The following ANKRD17 variants were observed in gnomAD, a reference collection of about 807,000 sequenced individuals.
ANKRD17 encodes the protein ankyrin repeat domain-containing protein 17.
ANKRD17 carries 19 observed loss-of-function variants against 229.7 expected under a neutral mutation model. That is an observed-to-expected ratio of 0.08 (90% CI 0.06 to 0.12). The LOEUF (loss-of-function observed/expected upper bound fraction) is 0.12, where lower values mean the gene tolerates loss of function less well. Ranked by LOEUF, ANKRD17 falls within the 10% of genes least tolerant of loss-of-function variation. ANKRD17 has a pLI of 1.00. For synonymous variants in ANKRD17, 1,112 were observed against 1,146.1 expected (o/e 0.97, Z 0.60); for missense variants, 2,176 against 3,176.8 (o/e 0.68, Z 7.57).
chr4:73,118,007 T>G lies in ANKRD17; in HGVS notation c.4188+681A>C, dbSNP rs192207190. Among the ~76,000 whole-genome samples, 219 of 152,218 alleles carry G rather than the reference T, an allele frequency of 1.4e-3. 1 individual carries two copies. In the South Asian group the frequency reaches 0.019, roughly 13 times the overall value. On this transcript the variant is annotated intron_variant, in intron 22 of 33. Coordinates refer to ENST00000358602, the MANE Select transcript of ANKRD17 (RefSeq NM_032217.5). ...TCATTTTTTTTCCTAGTAAAGTCAA[T>G]AATTGAAATGAAAACAAATTTTTTT...
At chr4:73,155,906 A>G in intron 4 of ANKRD17, 113 bp downstream of exon 4, 1 of 1,485,040 alleles carries the variant, frequency 6.7e-7, no homozygotes, top group Non-Finnish European at 9.0e-7. Context: ...TATCTAACAA[A>G]ACTATTTGTT....
At chr4:73,148,685 T>C (rs1041562200) in intron 8 of ANKRD17, 128 bp downstream of exon 8, 2 of 829,376 alleles carry the variant, frequency 2.4e-6, no homozygotes, top group Non-Finnish European at 1.9e-6. Flanking sequence ...GTAAATACTT[T>C]ATCACTGGTT....
At chr4:73,153,807 A>G (rs1017185674) in intron 6 of ANKRD17, 73 bp downstream of exon 6, 23 of 1,076,182 alleles carry the variant, frequency 2.1e-5, no homozygotes, top group Middle Eastern at 5.2e-4. Context: ...TTTAACTTAG[A>G]AACAAGATTA....
chr4:73,096,998 C>A, intron 27 of ANKRD17, 119 bp downstream of exon 27: 1 of 1,197,586 alleles, frequency 8.4e-7, no homozygotes, highest in Non-Finnish European at 1.2e-6. Flanking sequence ...TCAAATTTAG[C>A]CTTGAACCAT....
intron 6 of ANKRD17, among the ~76,000 whole-genome samples, chr4:73,153,154 C>T (rs1731219199): frequency 6.6e-6 from 1 of 151,996 alleles, no homozygotes; most frequent in Non-Finnish European, 1.5e-5. Context: ...AGAATGAGTG[C>T]CTCCTTAAAT....
chr4:73,181,737 T>C (rs1273468554), intron 1 of ANKRD17, among the ~76,000 whole-genome samples: 1 of 151,944 alleles, frequency 6.6e-6, no homozygotes, highest in Admixed American at 6.6e-5. Flanking sequence ...TTAAAAATGG[T>C]CCAAATAAGA....
intron 1 of ANKRD17, among the ~76,000 whole-genome samples, chr4:73,224,084 C>T (rs983129214): frequency 2.6e-5 from 4 of 152,032 alleles, no homozygotes; most frequent in Admixed American, 6.6e-5. Context: ...GGTGAAACCC[C>T]GTCTCTACTA....
rs376382452 is a variant in ANKRD17, at chr4:73,239,169, C to T, written c.393+19107G>A. Among the ~76,000 whole-genome samples, 17 of 152,260 alleles carry T rather than the reference C, an allele frequency of 1.1e-4. No individual in the cohort carries two copies. The East Asian group carries it at 2.9e-3, about 26-fold the overall frequency. ...CCAGAAAGAACAGAGATGAACAGGG[C>T]TTGAAAGCTGATGTTTGACCTATCA... On this transcript the variant is annotated intron_variant, in intron 1 of 33. Coordinates refer to ENST00000358602, the MANE Select transcript of ANKRD17 (RefSeq NM_032217.5).
At position 73,250,071 on chromosome 4, in the gene ANKRD17, G is replaced by A. The variant is rs148499527; in HGVS notation, c.393+8205C>T. 2.6e-4 allele frequency among the ~76,000 whole-genome samples: 39 copies of A among 152,176 alleles called. No individual in the cohort carries two copies. The East Asian group carries it at 7.0e-3, about 27-fold the overall frequency. ...GATGTAGCATAGCATTATTTAAAAT[G>A]AGAATTATGATTCTGGTTATCGCCA... On this transcript the variant is annotated intron_variant, in intron 1 of 33. Transcript: ENST00000358602.
rs1175979888 is a variant in ANKRD17 at position 73,117,719 on chromosome 4, C to CAT, written c.4188+967_4188+968dup. Among the ~76,000 whole-genome samples the CAT allele has an allele frequency of 3.3e-5, 5 of 152,272 alleles. No individual in the cohort carries two copies. In the East Asian group the frequency reaches 9.6e-4, roughly 29 times the overall value. On this transcript the variant is annotated intron_variant, in intron 22 of 33. Transcript: ENST00000358602. ...TGGCATCTACAGGGAATTTTATCTA[C>CAT]ATATCTCCAAATGACAAAACTCAAA... is the stretch of plus-strand genomic sequence containing the variant.
At chr4:73,149,477 T>A (rs1730712809) in intron 7 of ANKRD17, among the ~76,000 whole-genome samples, 1 of 152,124 alleles carries the variant, frequency 6.6e-6, no homozygotes, top group African/African-American at 2.4e-5. Context: ...AATGGAACCC[T>A]TTTTGGAGAA....
At chr4:73,142,461 A>T in intron 12 of ANKRD17, 76 bp from the exon 13 acceptor site, 2 of 1,572,316 alleles carry the variant, frequency 1.3e-6, no homozygotes, top group Non-Finnish European at 1.7e-6. Context: ...AGGAAGATAA[A>T]GCCAACAGGT....
chr4:73,209,616 G>A (rs541630044), intron 1 of ANKRD17, among the ~76,000 whole-genome samples: 2 of 151,604 alleles, frequency 1.3e-5, no homozygotes, highest in South Asian at 2.1e-4. Context: ...TTTTTTTTAC[G>A]AGGCTTGCAT....
At position 73,091,475 on chromosome 4, in the gene ANKRD17, C is replaced by A. The variant is rs758300480; in HGVS notation, c.6153G>T (p.Gln2051His). The A allele has an allele frequency of 1.9e-6, 3 of 1,614,140 alleles. No individual in the cohort carries two copies. Among genetic ancestry groups the A allele is most frequent in the South Asian group, 2.2e-5 (2 of 91,076 alleles). ...GGCTGTTTCTAGAAACCCCTCCTGG[C>A]TGGGCTGGTGGTGATGGGGAAGATG... ...SSPSSPSPPA[Q>H]PGGVSRNSPL... Residue 2051 changes from glutamine to histidine, a missense_variant, in exon 29 of 34, where the codon CAG (glutamine) becomes CAT (histidine). By Grantham distance (24) the Gln-to-His change is conservative. Transcript: ENST00000358602.
intron 29 of ANKRD17, 115 bp from the exon 30 acceptor site, chr4:73,085,561 A>C: frequency 1.0e-6 from 1 of 976,566 alleles, no homozygotes; most frequent in Non-Finnish European, 1.5e-6. Context: ...TAATTAAAAA[A>C]ATCCCGGCTG....
intron 27 of ANKRD17, among the ~76,000 whole-genome samples, chr4:73,096,672 G>C (rs568631316): frequency 6.6e-6 from 1 of 151,988 alleles, no homozygotes; most frequent in Non-Finnish European, 1.5e-5. Flanking sequence ...TTTACTCTTG[G>C]ATACATATTA....
chr4:73,130,521 A>G (rs1253453711), intron 16 of ANKRD17, among the ~76,000 whole-genome samples: 1 of 152,110 alleles, frequency 6.6e-6, no homozygotes, highest in Non-Finnish European at 1.5e-5. Context: ...GATACGTCAC[A>G]AGTGAAATTT....
Position 73,141,732 on chromosome 4 carries a change from A to G in ANKRD17, c.2332+9T>C. 2 of 1,609,960 alleles carry G rather than the reference A, an allele frequency of 1.2e-6. No homozygotes were observed. The highest frequency in any genetic ancestry group is 1.7e-6 in the Non-Finnish European group (2 of 1,176,288). On this transcript the variant is annotated intron_variant, in intron 14 of 33. Coordinates refer to ENST00000358602, the MANE Select transcript of ANKRD17 (RefSeq NM_032217.5). The stretch of plus-strand genomic sequence containing the variant: ...CAAGTAAGAAACAGTCTTTAGAAGT[A>G]TAACTGACCTTTATTCCTGATGGGA...
chr4:73,141,578 C>T (rs1370878842), intron 14 of ANKRD17, among the ~76,000 whole-genome samples, 163 bp downstream of exon 14: 1 of 152,158 alleles, frequency 6.6e-6, no homozygotes, highest in Non-Finnish European at 1.5e-5. Flanking sequence ...CAAATTAGTG[C>T]TATTAACTAT....
Sources: allele counts gnomAD v4.1 joint callset (sites outside exome capture counted in the v4.1 genomes callset), GRCh38; gene constraint gnomAD v4.1.1; transcripts MANE v1.5; gene names NCBI Gene and HGNC (gene_info 2026-07-23, HGNC 2026-07-21).